Variants in MAST1 observed in about 807,000 individuals in gnomAD.
The protein encoded by MAST1 is microtubule associated serine/threonine kinase 1.
A neutral mutation model predicts 124.6 loss-of-function variants in MAST1; 40 were observed. The observed-to-expected ratio is 0.32, with a 90% confidence interval of 0.25 to 0.42. The LOEUF (loss-of-function observed/expected upper bound fraction) is 0.42. MAST1 is among the 10% of genes least tolerant of loss of function. The probability of loss-of-function intolerance (pLI) is 1.00; values close to 1 mark genes in which losing one functional copy is unlikely to be tolerated. For missense variants in MAST1, 1,558 were observed against 2,181.9 expected, an observed-to-expected ratio of 0.71 and a Z score of 5.70; for synonymous variants, 938 against 939.4, an observed-to-expected ratio of 1.00 and a Z score of 0.03.
At position 12,867,978 on chromosome 19, in the gene MAST1, GTGAGTGC is replaced by G; in HGVS notation, c.2566+2_2566+8del. 6.5e-7 allele frequency: 1 copy of G among 1,541,302 alleles called. No homozygotes were observed. Among genetic ancestry groups the G allele is most frequent in the Non-Finnish European group, 8.7e-7 (1 of 1,146,226 alleles). ...TCCAGCGCCGGGGACTCCGAGGCCAGTGAGTGCCCTATCGTGCTGCCTTCCCCAATCT... is the reference window on the plus strand; with the variant it reads ...TCCAGCGCCGGGGACTCCGAGGCCAGCCTATCGTGCTGCCTTCCCCAATCT... On this transcript the variant is annotated splice_donor_variant and splice_donor_5th_base_variant and intron_variant, in intron 20 of 25. Coordinates refer to ENST00000251472, the MANE Select transcript of MAST1 (RefSeq NM_014975.3). LOFTEE classifies it high-confidence loss of function.
Position 12,865,248 on chromosome 19 carries a change from G to T in MAST1, c.1639-68G>T, listed in dbSNP as rs905582079. 5.7e-6 allele frequency: 9 copies of T among 1,588,156 alleles called. No individual in the cohort carries two copies. The highest frequency in any genetic ancestry group is 6.9e-6 in the Non-Finnish European group (8 of 1,166,140). ...CAGGACCTCGGGAACCCAGGGCCTGGTGGGGGGCACAGCTCTCCCTTGAGG... is the reference window on the plus strand; with the variant it reads ...CAGGACCTCGGGAACCCAGGGCCTGTTGGGGGGCACAGCTCTCCCTTGAGG... On this transcript the variant is annotated intron_variant, in intron 14 of 25. Coordinates refer to ENST00000251472, the MANE Select transcript of MAST1 (RefSeq NM_014975.3). The surrounding 1 kb of genome is among the most constrained non-coding windows in gnomAD (Gnocchi z 7.1).
intron 3 of MAST1, among the ~76,000 whole-genome samples, chr19:12,842,868 A>C (rs114205433): frequency 0.025 from 3,743 of 152,142 alleles, 158 homozygotes; most frequent in African/African-American, 0.084. Context: ...AGGTGAGTGC[A>C]TGTCTGGTCT....
chr19:12,852,057 A>G, intron 8 of MAST1, 22 bp downstream of exon 8: 4 of 1,611,560 alleles, frequency 2.5e-6, no homozygotes, highest in Non-Finnish European at 2.5e-6. Context: ...GGGCATGGGT[A>G]GGGGTGGGTT....
chr19:12,859,148 C>T (rs950055300), intron 12 of MAST1, among the ~76,000 whole-genome samples: 18 of 152,164 alleles, frequency 1.2e-4, no homozygotes, highest in Admixed American at 8.5e-4. Context: ...GGTGCAATCT[C>T]GGTTCACTGC....
At position 12,843,261 on chromosome 19, in the gene MAST1, G is replaced by C. The variant is rs1001916133; in HGVS notation, c.249-268G>C. Among the ~76,000 whole-genome samples, 1 of 151,852 alleles carries C rather than the reference G, an allele frequency of 6.6e-6. No individual in the cohort carries two copies. The highest frequency in any genetic ancestry group is 1.5e-5 in the Non-Finnish European group (1 of 67,956). On this transcript the variant is annotated intron_variant, in intron 3 of 25. Coordinates refer to ENST00000251472, the MANE Select transcript of MAST1 (RefSeq NM_014975.3). This position sits in a 1 kb window ranked among gnomAD's most constrained non-coding sequence, Gnocchi z 4.9. The stretch of plus-strand genomic sequence containing the variant: ...TCTGGAAAGGCTTCACTGGGTGGGG[G>C]CTTTTCCAGTTCTCGGTGTCCACTC...
Position 12,874,683 on chromosome 19 carries a change from C to A in MAST1, c.4526C>A (p.Thr1509Lys). The A allele has an allele frequency of 6.4e-7, 1 of 1,550,776 alleles. No homozygotes were observed. Among genetic ancestry groups the A allele is most frequent in the Non-Finnish European group, 8.7e-7 (1 of 1,144,026 alleles). The change falls in exon 26 of 26, where the codon ACA becomes AAA. Residue 1509 changes from threonine (T) to lysine (K), a missense_variant. Thr to Lys is a moderately conservative substitution (Grantham distance 78). Coordinates refer to ENST00000251472, the MANE Select transcript of MAST1 (RefSeq NM_014975.3). This position sits in a 1 kb window ranked among gnomAD's most constrained non-coding sequence, Gnocchi z 6.6. ...ASPKLSPEPQ[T>K]PSLAPAKCSA... is the part of the protein sequence containing the mutation. The stretch of plus-strand genomic sequence containing the variant: ...CCAAAGCTCTCCCCGGAGCCCCAGA[C>A]ACCCTCCCTAGCCCCAGCGAAGTGC...
rs1373324015 is a variant in MAST1, at chr19:12,866,577, A to G, written c.2030-76A>G. 14 of 939,822 alleles carry G rather than the reference A, an allele frequency of 1.5e-5. No homozygotes were observed. The highest frequency in any genetic ancestry group is 2.1e-4 in the Middle Eastern group (1 of 4,794). 58.2% of individuals were successfully genotyped at this position (939,822 alleles called of 1,614,324 possible). ...AAGACTTGTAAACCCGTCTTGAACC[A>G]GGACTGGGCTCCTGTGGGGATGTGA... On this transcript the variant is annotated intron_variant, in intron 17 of 25. Transcript: ENST00000251472. This position sits in a 1 kb window ranked among gnomAD's most constrained non-coding sequence, Gnocchi z 5.2.
At chr19:12,855,995 A>G (rs951345611) in intron 10 of MAST1, among the ~76,000 whole-genome samples, 18 of 149,778 alleles carry the variant, frequency 1.2e-4, no homozygotes, top group African/African-American at 4.4e-4. Context: ...TAAGAGTTCC[A>G]TACAATAGTG....
At position 12,843,960 on chromosome 19, in the gene MAST1, C is replaced by T. The variant is rs1429246168; in HGVS notation, c.327+353C>T. 1.3e-5 allele frequency among the ~76,000 whole-genome samples: 2 copies of T among 152,150 alleles called. No individual in the cohort carries two copies. Among genetic ancestry groups the T allele is most frequent in the Non-Finnish European group, 2.9e-5 (2 of 68,024 alleles). On this transcript the variant is annotated intron_variant, in intron 4 of 25. Coordinates refer to ENST00000251472, the MANE Select transcript of MAST1 (RefSeq NM_014975.3). The surrounding 1 kb of genome is among the most constrained non-coding windows in gnomAD (Gnocchi z 4.9). ...AGGCTACAGTTGAGCTGAGATCGCACTGCAGCATTCCAGTCTGGATGACAG... is the reference window on the plus strand; with the variant it reads ...AGGCTACAGTTGAGCTGAGATCGCATTGCAGCATTCCAGTCTGGATGACAG...
At position 12,844,088 on chromosome 19, in the gene MAST1, G is replaced by A. The variant is rs145725943; in HGVS notation, c.327+481G>A. 1.5e-3 allele frequency among the ~76,000 whole-genome samples: 234 copies of A among 152,282 alleles called. 1 individual carries two copies. Among genetic ancestry groups the A allele is most frequent in the African/African-American group, 5.0e-3 (208 of 41,538 alleles). On this transcript the variant is annotated intron_variant, in intron 4 of 25. Transcript: ENST00000251472. ...CCATCTATTAAAGAGTTATGGGTCC[G>A]CCCCACTCAGAGCCCAATGCTCTGC...
chr19:12,849,724 C>T (rs567829590), intron 7 of MAST1, among the ~76,000 whole-genome samples: 1 of 152,096 alleles, frequency 6.6e-6, no homozygotes, highest in Non-Finnish European at 1.5e-5. Flanking sequence ...CACCTGCTGT[C>T]CCAGCTACTT....
intron 12 of MAST1, among the ~76,000 whole-genome samples, chr19:12,860,568 C>T (rs1007850494): frequency 1.3e-5 from 2 of 151,194 alleles, no homozygotes; most frequent in Admixed American, 6.6e-5. Context: ...CCTGAGCCTC[C>T]CGAGTAGCTG....
Position 12,867,992 on chromosome 19 carries a change from G to A in MAST1, c.2566+15G>A. 1 of 1,519,418 alleles carries A rather than the reference G, an allele frequency of 6.6e-7. No homozygotes were observed. Among genetic ancestry groups the A allele is most frequent in the Non-Finnish European group, 8.8e-7 (1 of 1,135,136 alleles). 94.1% of individuals were successfully genotyped at this position (1,519,418 alleles called of 1,614,324 possible). A position where few individuals can be genotyped will look rare whatever the true frequency, so the allele number is the denominator to read the frequency against. ...CTCCGAGGCCAGTGAGTGCCCTATC[G>A]TGCTGCCTTCCCCAATCTTCCCCAA... On this transcript the variant is annotated intron_variant, in intron 20 of 25. Transcript: ENST00000251472.
intron 21 of MAST1, 35 bp downstream of exon 21, chr19:12,868,884 G>GC (rs763353168): frequency 2.6e-6 from 4 of 1,555,184 alleles, no homozygotes; most frequent in South Asian, 2.4e-5. Flanking sequence ...GGGAGGGGCT[G>GC]CCCCCCATTT....
At chr19:12,850,764 A>G (rs532812049) in intron 7 of MAST1, among the ~76,000 whole-genome samples, 2 of 151,834 alleles carry the variant, frequency 1.3e-5, no homozygotes, top group South Asian at 2.1e-4. Flanking sequence ...AGGACTCTCT[A>G]TGTTGCCCAG....
intron 10 of MAST1, among the ~76,000 whole-genome samples, chr19:12,856,548 ACTTGC>A (rs1970019886): frequency 6.6e-6 from 1 of 152,174 alleles, no homozygotes; most frequent in African/African-American, 2.4e-5. Flanking sequence ...CAGGTGATCC[ACTTGC>A]CTTGGCCTCC....
At position 12,866,705 on chromosome 19, in the gene MAST1, G is replaced by A. The variant is rs770086840; in HGVS notation, c.2082G>A (p.Thr694=). The change falls in exon 18 of 26, where the codon ACG becomes ACA. Residue 694 remains threonine, a synonymous_variant. Coordinates refer to ENST00000251472, the MANE Select transcript of MAST1 (RefSeq NM_014975.3). This position sits in a 1 kb window ranked among gnomAD's most constrained non-coding sequence, Gnocchi z 5.2. ...HVNSYDEDDT[T]EEEPVEIRQF... ...ACTCCTATGACGAGGATGACACGAC[G>A]GAGGAGGAGCCCGTGGAAATCCGCC... The A allele has an allele frequency of 3.2e-5, 52 of 1,613,874 alleles. No individual in the cohort carries two copies. Among genetic ancestry groups the A allele is most frequent in the Admixed American group, 3.3e-5 (2 of 59,988 alleles).
At position 12,867,718 on chromosome 19, in the gene MAST1, C is replaced by G; in HGVS notation, c.2319-12C>G. The G allele has an allele frequency of 6.5e-7, 1 of 1,531,682 alleles. No individual in the cohort carries two copies. The highest frequency in any genetic ancestry group is 8.8e-7 in the Non-Finnish European group (1 of 1,140,040). 94.9% of individuals were successfully genotyped at this position (1,531,682 alleles called of 1,614,324 possible). A position where few individuals can be genotyped will look rare whatever the true frequency, so the allele number is the denominator to read the frequency against. On this transcript the variant is annotated splice_polypyrimidine_tract_variant and intron_variant, in intron 19 of 25. Coordinates refer to ENST00000251472, the MANE Select transcript of MAST1 (RefSeq NM_014975.3). Reference sequence around the variant, plus strand: ...GGGGCGTGTCTTCCATAACCACGCCCCCTCCATGCAGCAAGCGATTCTCCG... The same window carrying G: ...GGGGCGTGTCTTCCATAACCACGCCGCCTCCATGCAGCAAGCGATTCTCCG...
Position 12,856,495 on chromosome 19 carries a change from G to T in MAST1, c.1078-1867G>T, listed in dbSNP as rs144675167. ...GTTTTTGTATTTTTAATAGAGACAG[G>T]GTTTCACCATGTTGGCCAGGCTGGT... On this transcript the variant is annotated intron_variant, in intron 10 of 25. Transcript: ENST00000251472. 8.9e-4 allele frequency among the ~76,000 whole-genome samples: 135 copies of T among 152,022 alleles called. No individual in the cohort carries two copies. The East Asian group carries it at 0.018, about 20-fold the overall frequency.
Sources: gnomAD v4.1 joint callset for allele counts (sites outside exome capture counted in the v4.1 genomes callset) on GRCh38, gnomAD v4.1.1 for gene constraint, Gnocchi (gnomAD v3.1) non-coding constraint, MANE v1.5 for transcripts, NCBI Gene and HGNC (gene_info 2026-07-23, HGNC 2026-07-21) for gene names.